Variants in TRIM69 observed in about 807,000 individuals in gnomAD.
TRIM69 encodes the protein E3 ubiquitin-protein ligase TRIM69.
Under a neutral mutation model 37.7 loss-of-function variants are expected in TRIM69, and 29 were observed. The observed-to-expected ratio is 0.77, with a 90% CI of 0.57 to 1.05. The LOEUF (loss-of-function observed/expected upper bound fraction) is 1.05. Among genes scored for constraint, TRIM69 ranks in the 50% least tolerant of loss-of-function variants. The probability of loss-of-function intolerance (pLI) is 0.00; values close to 1 mark genes in which losing one functional copy is unlikely to be tolerated. For missense variants in TRIM69, 596 were observed against 579.9 expected, an observed-to-expected ratio of 1.03 and a Z score of -0.28; for synonymous variants, 209 against 212.4, an observed-to-expected ratio of 0.98 and a Z score of 0.14.
chr15:44,743,155 A>C (rs2087328644), intron 1 of TRIM69, among the ~76,000 whole-genome samples: 1 of 152,318 alleles, frequency 6.6e-6, no homozygotes, highest in Middle Eastern at 3.4e-3. Flanking sequence ...CTCAGAAATA[A>C]TGCCGCATAT....
At chr15:44,766,503 T>C (rs1235900824) in intron 6 of TRIM69, among the ~76,000 whole-genome samples, 1 of 152,200 alleles carries the variant, frequency 6.6e-6, no homozygotes, top group African/African-American at 2.4e-5. Flanking sequence ...ATTTCTTTCT[T>C]TCCGTTTATT....
At chr15:44,759,982 G>T in intron 6 of TRIM69, 110 bp downstream of exon 6, 1 of 1,312,604 alleles carries the variant, frequency 7.6e-7, no homozygotes, top group South Asian at 1.5e-5. Context: ...TAGGGAAGGG[G>T]TACAGTTTGG....
intron 1 of TRIM69, among the ~76,000 whole-genome samples, chr15:44,744,362 T>G (rs1237980946): frequency 6.9e-6 from 1 of 145,720 alleles, no homozygotes; most frequent in African/African-American, 2.5e-5. Context: ...TGCTAAATGA[T>G]GAGTTAATGG....
chr15:44,742,252 T>C (rs1170527433), intron 1 of TRIM69, among the ~76,000 whole-genome samples: 1 of 150,180 alleles, frequency 6.7e-6, no homozygotes, highest in African/African-American at 2.5e-5. Flanking sequence ...AAAAGGCCTT[T>C]GACAAAATTC....
At chr15:44,742,087 A>C (rs949570112) in intron 1 of TRIM69, among the ~76,000 whole-genome samples, 1 of 151,872 alleles carries the variant, frequency 6.6e-6, no homozygotes, top group Admixed American at 6.6e-5. Context: ...TGGCAAACTG[A>C]ATCCAGCAGC....
chr15:44,759,911 A>C (rs750489064), intron 6 of TRIM69, 39 bp downstream of exon 6: 1 of 1,588,746 alleles, frequency 6.3e-7, no homozygotes, highest in South Asian at 1.1e-5. Flanking sequence ...TGAGGCTCCT[A>C]ATCTACGTTT....
chr15:44,755,633 C>T (rs924912838), intron 2 of TRIM69, among the ~76,000 whole-genome samples: 2 of 152,194 alleles, frequency 1.3e-5, no homozygotes, highest in Admixed American at 6.5e-5. Context: ...CTCTGCTAAA[C>T]ACTGTGTAGA....
At chr15:44,749,352 A>C (rs1310120400) in intron 1 of TRIM69, among the ~76,000 whole-genome samples, 1 of 152,212 alleles carries the variant, frequency 6.6e-6, no homozygotes, top group African/African-American at 2.4e-5. Context: ...AGGAAACCCC[A>C]TGACCAGTCA....
Position 44,736,619 on chromosome 15 carries a change from T to A in TRIM69, c.-86T>A. On this transcript the variant is annotated 5_prime_UTR_variant, in exon 1 of 7. Transcript: ENST00000329464. Reference sequence around the variant, plus strand: ...AGCCCATTCCTTGAAAACTAAAAGGTCCCTGACTCCCAGTCTGCAGCCATC... The same window carrying A: ...AGCCCATTCCTTGAAAACTAAAAGGACCCTGACTCCCAGTCTGCAGCCATC... The A allele has an allele frequency of 6.5e-7, 1 of 1,537,276 alleles. No homozygotes were observed.
At chr15:44,759,684 T>C (rs764791009) in intron 5 of TRIM69, 22 bp downstream of exon 5, 27 of 1,614,034 alleles carry the variant, frequency 1.7e-5, no homozygotes, top group Non-Finnish European at 2.2e-5. Flanking sequence ...CCTATGGTAC[T>C]ATTAATATCA....
At chr15:44,738,864 T>C (rs2087218575) in intron 1 of TRIM69, among the ~76,000 whole-genome samples, 1 of 152,188 alleles carries the variant, frequency 6.6e-6, no homozygotes, top group South Asian at 2.1e-4. Flanking sequence ...TCTTCCACAG[T>C]GAATGCTCAG....
intron 1 of TRIM69, among the ~76,000 whole-genome samples, chr15:44,746,548 G>A (rs2087412028): frequency 6.6e-6 from 1 of 152,078 alleles, no homozygotes; most frequent in Non-Finnish European, 1.5e-5. Flanking sequence ...TAAAACTCAA[G>A]TGTGCAAAGA....
At chr15:44,764,846 T>C (rs1416272477) in intron 6 of TRIM69, among the ~76,000 whole-genome samples, 1 of 152,210 alleles carries the variant, frequency 6.6e-6, no homozygotes, top group Non-Finnish European at 1.5e-5. Context: ...TGATCTTCAT[T>C]ATGTTCAAGG....
intron 1 of TRIM69, among the ~76,000 whole-genome samples, chr15:44,742,010 A>G (rs1290669713): frequency 2.0e-5 from 3 of 152,178 alleles, no homozygotes; most frequent in African/African-American, 7.2e-5. Context: ...CAGAGACACA[A>G]CCAAAAGAGA....
At chr15:44,746,930 T>C (rs2087421450) in intron 1 of TRIM69, among the ~76,000 whole-genome samples, 1 of 152,126 alleles carries the variant, frequency 6.6e-6, no homozygotes, top group Non-Finnish European at 1.5e-5. Flanking sequence ...AATAGACAAA[T>C]AATTTGCAAT....
chr15:44,750,715 CTTT>C (rs869059418), intron 1 of TRIM69, among the ~76,000 whole-genome samples: 16,113 of 102,668 alleles, frequency 0.16, 3,399 homozygotes, highest in African/African-American at 0.23. Flanking sequence ...ATTACTTTTT[CTTT>C]TTTTTTTTTT....
chr15:44,767,520 A>T lies in TRIM69; in HGVS notation c.1251A>T (p.Arg417Ser), dbSNP rs961690365. 2.5e-6 allele frequency: 4 copies of T among 1,614,070 alleles called. No individual in the cohort carries two copies. The highest frequency in any genetic ancestry group is 3.4e-6 in the Non-Finnish European group (4 of 1,180,032). ...CTGAGCAAGGATTCTGGCTTTTAAGACTAAGGAACCAAACTGATCTAAAGG... is the reference window on the plus strand; with the variant it reads ...CTGAGCAAGGATTCTGGCTTTTAAGTCTAAGGAACCAAACTGATCTAAAGG... ...LTPEQGFWLL[R>S]LRNQTDLKAL... The change falls in exon 7 of 7, where the codon AGA becomes AGT. Residue 417 changes from arginine (R) to serine (S), a missense_variant. Arg to Ser is a moderately radical substitution (Grantham distance 110, BLOSUM62 -1). Transcript: ENST00000329464.
chr15:44,759,992 G>A (rs758475349), intron 6 of TRIM69, 120 bp downstream of exon 6: 475 of 1,139,242 alleles, frequency 4.2e-4, no homozygotes, highest in Non-Finnish European at 5.4e-4. Context: ...GTACAGTTTG[G>A]CCAAAAGGAG....
chr15:44,760,229 T>A (rs1326648680), intron 6 of TRIM69, among the ~76,000 whole-genome samples: 2 of 152,238 alleles, frequency 1.3e-5, no homozygotes, highest in Non-Finnish European at 2.9e-5. Context: ...ATACTCTTTT[T>A]ATGTACACTG....
Sources: allele counts gnomAD v4.1 joint callset (sites outside exome capture counted in the v4.1 genomes callset), GRCh38; gene constraint gnomAD v4.1.1; transcripts MANE v1.5; gene names NCBI Gene and HGNC (gene_info 2026-07-23, HGNC 2026-07-21).